SLC7A2: variants seen among roughly 807,000 people sequenced by gnomAD.
SLC7A2 encodes the protein solute carrier family 7 member 2.
Under a neutral mutation model 58.9 loss-of-function variants are expected in SLC7A2, and 48 were observed. The ratio of observed to expected loss-of-function variants is 0.82; its 90% CI spans 0.65 to 1.04. The LOEUF is 1.04. Among genes scored for constraint, SLC7A2 ranks in the 50% least tolerant of loss-of-function variants. The probability of loss-of-function intolerance (pLI) is 0.00; values close to 1 mark genes in which losing one functional copy is unlikely to be tolerated. For missense variants in SLC7A2, 1,029 were observed against 818.8 expected (o/e 1.26, Z -3.13); for synonymous variants, 363 against 314.5 (o/e 1.15, Z -1.63).
At chr8:17,503,158 C>T (rs1800232285) in intron 2 of SLC7A2, among the ~76,000 whole-genome samples, 1 of 152,014 alleles carries the variant, frequency 6.6e-6, no homozygotes, top group African/African-American at 2.4e-5. Flanking sequence ...TCACGCCATT[C>T]TCCTGCCTCA....
chr8:17,514,356 A>G (rs1268230187), intron 2 of SLC7A2, among the ~76,000 whole-genome samples: 1 of 152,166 alleles, frequency 6.6e-6, no homozygotes, highest in Non-Finnish European at 1.5e-5. Flanking sequence ...AGTCCCTGAC[A>G]TTGTGGGAAG....
At chr8:17,522,414 A>T (rs547169411) in intron 2 of SLC7A2, among the ~76,000 whole-genome samples, 2 of 152,296 alleles carry the variant, frequency 1.3e-5, no homozygotes, top group South Asian at 4.1e-4. Context: ...AATCATGTCA[A>T]CTTGGCCATG....
chr8:17,558,872 A>G (rs925521398), intron 9 of SLC7A2, among the ~76,000 whole-genome samples: 1 of 152,220 alleles, frequency 6.6e-6, no homozygotes, highest in Non-Finnish European at 1.5e-5. Flanking sequence ...AAATGGTATT[A>G]ATTTTATGGA....
intron 10 of SLC7A2, 63 bp downstream of exon 10, chr8:17,560,596 T>C: frequency 7.1e-7 from 1 of 1,404,194 alleles, no homozygotes; most frequent in Non-Finnish European, 1.0e-6. Context: ...AGAGCTGGCA[T>C]GATATGAAAG....
intron 2 of SLC7A2, among the ~76,000 whole-genome samples, chr8:17,541,636 AT>A (rs1245284953): frequency 1.3e-5 from 2 of 152,060 alleles, no homozygotes; most frequent in Non-Finnish European, 2.9e-5. Flanking sequence ...TTCCTCAGTT[AT>A]TTTCTCATCT....
chr8:17,518,355 T>TG, intron 2 of SLC7A2, among the ~76,000 whole-genome samples: 1 of 152,296 alleles, frequency 6.6e-6, no homozygotes, highest in South Asian at 2.1e-4. Flanking sequence ...CACCAAGCCG[T>TG]GGTGACAAGT....
chr8:17,544,204 A>G (rs985849132), intron 3 of SLC7A2, among the ~76,000 whole-genome samples: 54 of 152,156 alleles, frequency 3.5e-4, no homozygotes, highest in African/African-American at 1.1e-3. Flanking sequence ...ATCTCTGACT[A>G]TGCCTTTTAG....
intron 7 of SLC7A2, 64 bp from the exon 8 acceptor site, chr8:17,554,496 T>G: frequency 3.7e-6 from 5 of 1,336,734 alleles, no homozygotes; most frequent in Non-Finnish European, 5.0e-6. Context: ...TTATTTTATT[T>G]CCGTTCGGGG....
chr8:17,494,279 A>T (rs1437751112), upstream of SLC7A2, among the ~76,000 whole-genome samples: 2 of 152,180 alleles, frequency 1.3e-5, no homozygotes, highest in Non-Finnish European at 2.9e-5. Flanking sequence ...TGTGGAATTT[A>T]TTCAGCTACA....
chr8:17,556,430 A>T (rs1367918049), intron 8 of SLC7A2, among the ~76,000 whole-genome samples: 1 of 152,118 alleles, frequency 6.6e-6, no homozygotes, highest in Non-Finnish European at 1.5e-5. Context: ...ACCACTTTTT[A>T]AAATGCTCTA....
intron 10 of SLC7A2, among the ~76,000 whole-genome samples, 175 bp downstream of exon 10, chr8:17,560,708 A>G (rs112781128): frequency 6.6e-6 from 1 of 152,194 alleles, no homozygotes; most frequent in African/African-American, 2.4e-5. Context: ...TATTACCTGT[A>G]TAAATTTATT....
chr8:17,501,234 G>A (rs1800148681), intron 1 of SLC7A2, among the ~76,000 whole-genome samples: 1 of 152,026 alleles, frequency 6.6e-6, no homozygotes, highest in Non-Finnish European at 1.5e-5. Flanking sequence ...GGTTGGTCTC[G>A]AAATCCTGGC....
At chr8:17,494,731 CAA>C (rs909240573), upstream of SLC7A2, among the ~76,000 whole-genome samples, 2 of 152,062 alleles carry the variant, frequency 1.3e-5, no homozygotes, top group African/African-American at 4.8e-5. Flanking sequence ...GAGAAATAAC[CAA>C]AGTTATGAGG....
intron 2 of SLC7A2, among the ~76,000 whole-genome samples, chr8:17,526,446 A>G (rs576751638): frequency 6.6e-6 from 1 of 152,272 alleles, no homozygotes; most frequent in South Asian, 2.1e-4. Context: ...GACAGGACGC[A>G]TGATGGAAAA....
At chr8:17,522,326 C>G (rs1420651667) in intron 2 of SLC7A2, among the ~76,000 whole-genome samples, 1 of 152,076 alleles carries the variant, frequency 6.6e-6, no homozygotes, top group Admixed American at 6.5e-5. Context: ...TCAGTTGTCT[C>G]CCACTAGGTC....
chr8:17,547,568 C>T (rs1802232646), intron 4 of SLC7A2, among the ~76,000 whole-genome samples: 1 of 152,002 alleles, frequency 6.6e-6, no homozygotes, highest in Non-Finnish European at 1.5e-5. Flanking sequence ...ATCTTTGATG[C>T]AGTATTACTT....
chr8:17,503,289 A>T (rs1265481032), intron 2 of SLC7A2, among the ~76,000 whole-genome samples: 3 of 151,992 alleles, frequency 2.0e-5, no homozygotes, highest in Admixed American at 2.0e-4. Flanking sequence ...TGACCTCATG[A>T]TCTGCCCGCC....
intron 2 of SLC7A2, among the ~76,000 whole-genome samples, chr8:17,506,471 T>G (rs965841450): frequency 4.6e-5 from 7 of 152,292 alleles, no homozygotes; most frequent in Non-Finnish European, 2.9e-5. Flanking sequence ...CTGTGCGAAA[T>G]TTCAGAGGCT....
rs1232753647 is a variant in SLC7A2 at position 17,569,193 on chromosome 8, C to T, written c.*4047C>T. 6.6e-6 allele frequency: 1 copy of T among 152,156 alleles called. No individual in the cohort carries two copies. Among genetic ancestry groups the T allele is most frequent in the African/African-American group, 2.4e-5 (1 of 41,424 alleles). 9.4% of individuals were successfully genotyped at this position (152,156 alleles called of 1,614,324 possible). On this transcript the variant is annotated 3_prime_UTR_variant, in exon 13 of 13. Coordinates refer to ENST00000494857, the MANE Select transcript of SLC7A2 (RefSeq NM_001370338.1). ...ATGAAATCATGCCAAGATTCTGACT[C>T]TCCCTTTCCGGTGATACTGCTCATG...
Sources: allele counts gnomAD v4.1 joint callset (sites outside exome capture counted in the v4.1 genomes callset), GRCh38; gene constraint gnomAD v4.1.1; transcripts MANE v1.5; gene names NCBI Gene and HGNC (gene_info 2026-07-23, HGNC 2026-07-21).